Variants in CDS1 observed in about 807,000 individuals in gnomAD.
The protein encoded by CDS1 is CDP-diacylglycerol synthase 1, also known as phosphatidate cytidylyltransferase 1.
A neutral mutation model predicts 62.1 loss-of-function variants in CDS1; 41 were observed. That is an observed-to-expected ratio of 0.66 (90% CI 0.51 to 0.86). The LOEUF (loss-of-function observed/expected upper bound fraction) is 0.86. CDS1 is among the 40% of genes least tolerant of loss of function. The probability of loss-of-function intolerance (pLI) is 0.00; values close to 1 mark genes in which losing one functional copy is unlikely to be tolerated. For missense variants in CDS1, 470 were observed against 550.1 expected (o/e 0.85, Z 1.46); for synonymous variants, 185 against 192.6 (o/e 0.96, Z 0.32).
chr4:84,625,108 G>A (rs1560477375), intron 5 of CDS1, among the ~76,000 whole-genome samples: 4 of 152,114 alleles, frequency 2.6e-5, no homozygotes, highest in African/African-American at 7.2e-5. Context: ...TGATCCTCCT[G>A]CCTTGATCTC....
At chr4:84,647,648 T>C (rs1000703832) in intron 12 of CDS1, among the ~76,000 whole-genome samples, 2 of 152,216 alleles carry the variant, frequency 1.3e-5, no homozygotes, top group Non-Finnish European at 2.9e-5. Flanking sequence ...TGAAAGTTTT[T>C]TGGCAGATGA....
At chr4:84,604,493 G>A (rs1170179821) in intron 2 of CDS1, 123 bp downstream of exon 2, 9 of 806,792 alleles carry the variant, frequency 1.1e-5, no homozygotes, top group Middle Eastern at 6.9e-4. Flanking sequence ...GGTCAAAAAG[G>A]CCACCTAATA....
Position 84,640,915 on chromosome 4 carries a change from A to G in CDS1, c.957A>G (p.Thr319=), listed in dbSNP as rs750228683. The G allele has an allele frequency of 1.2e-5, 19 of 1,612,014 alleles. No homozygotes were observed. The highest frequency in any genetic ancestry group is 1.4e-5 in the Non-Finnish European group (17 of 1,179,280). Residue 319 remains threonine, a synonymous_variant, in exon 10 of 13, where the codon ACA becomes ACG. Transcript: ENST00000295887. ...EYRSDVNSFV[T]ECEPSELFQL... is the part of the protein sequence containing the mutation. ...GAAGTGATGTAAACTCCTTCGTGACAGAATGTGAGCCCTCAGAACTTTTCC... is the reference window on the plus strand; with the variant it reads ...GAAGTGATGTAAACTCCTTCGTGACGGAATGTGAGCCCTCAGAACTTTTCC...
At chr4:84,609,984 C>G (rs1292817282) in intron 3 of CDS1, among the ~76,000 whole-genome samples, 1 of 151,204 alleles carries the variant, frequency 6.6e-6, no homozygotes, top group African/African-American at 2.4e-5. Context: ...TGCTACTGCA[C>G]TGCAGCCTGG....
intron 1 of CDS1, among the ~76,000 whole-genome samples, chr4:84,601,641 G>T (rs554174856): frequency 7.3e-4 from 111 of 152,162 alleles, no homozygotes; most frequent in African/African-American, 2.6e-3. Flanking sequence ...ATTCAGGTAC[G>T]GTGGCTCACC....
rs534170569 is a variant in CDS1, at chr4:84,614,453, CT to C, written c.343-3103del. Among the ~76,000 whole-genome samples, 907 of 151,906 alleles carry C rather than the reference CT, an allele frequency of 6.0e-3. 6 individuals carry two copies. Among genetic ancestry groups the C allele is most frequent in the Non-Finnish European group, 6.9e-3 (469 of 67,952 alleles). The stretch of plus-strand genomic sequence containing the variant: ...TATTTGTAGACATTCAGGTTATGTT[CT>C]TTTTTTTATTGTGAATAACACTATC... On this transcript the variant is annotated intron_variant, in intron 3 of 12. Coordinates refer to ENST00000295887, the MANE Select transcript of CDS1 (RefSeq NM_001263.4).
At chr4:84,643,270 C>A in intron 11 of CDS1, 127 bp downstream of exon 11, 2 of 793,518 alleles carry the variant, frequency 2.5e-6, no homozygotes, top group Admixed American at 2.3e-5. Context: ...CTATTTGTTT[C>A]GACCCCACAG....
In CDS1 at chr4:84,583,324, C is replaced by T. The variant is rs994963157; in HGVS notation, c.-78C>T. The T allele has an allele frequency of 1.9e-6, 2 of 1,073,494 alleles. No homozygotes were observed. The highest frequency in any genetic ancestry group is 4.3e-5 in the Admixed American group (2 of 46,036). The allele number at this position is 1,073,494 out of a possible 1,614,324, so 66.5% of individuals were successfully genotyped here. Reference sequence around the variant, plus strand: ...GGCGCGGCTGCGAGGTGGCGGGGCGCCCCGCCTGCAGAACCCTGCTTGCAG... The same window carrying T: ...GGCGCGGCTGCGAGGTGGCGGGGCGTCCCGCCTGCAGAACCCTGCTTGCAG... On this transcript the variant is annotated 5_prime_UTR_variant, in exon 1 of 13. Coordinates refer to ENST00000295887, the MANE Select transcript of CDS1 (RefSeq NM_001263.4).
In CDS1 at chr4:84,644,377, AAG is replaced by A. The variant is rs536666451; in HGVS notation, c.1153-839_1153-838del. ...TATGCTTTGACTAGTAAGGAAGAGA[AAG>A]AGAGAAATGGGTTGGCAAAAATTAA... On this transcript the variant is annotated intron_variant, in intron 11 of 12. Coordinates refer to ENST00000295887, the MANE Select transcript of CDS1 (RefSeq NM_001263.4). Among the ~76,000 whole-genome samples, 4 of 152,306 alleles carry A rather than the reference AAG, an allele frequency of 2.6e-5. No individual in the cohort carries two copies. The South Asian group carries it at 6.2e-4, about 24-fold the overall frequency.
At chr4:84,634,587 GT>G (rs1578048844) in intron 7 of CDS1, among the ~76,000 whole-genome samples, 1 of 151,960 alleles carries the variant, frequency 6.6e-6, no homozygotes, top group East Asian at 1.9e-4. Flanking sequence ...CAGTTGATGG[GT>G]TTTGTCAAGA....
chr4:84,609,290 G>C (rs373097973), intron 2 of CDS1, 139 bp from the exon 3 acceptor site: 4 of 484,060 alleles, frequency 8.3e-6, no homozygotes, highest in Non-Finnish European at 1.1e-5. Context: ...TTTGTTTTTT[G>C]TTTTTGTTGT....
intron 3 of CDS1, among the ~76,000 whole-genome samples, chr4:84,610,338 G>T (rs1450146907): frequency 6.6e-6 from 1 of 152,106 alleles, no homozygotes; most frequent in Admixed American, 6.5e-5. Context: ...AGAGGATGCG[G>T]TCCATTGGAA....
At chr4:84,599,410 A>ATGTG (rs1722859789) in intron 1 of CDS1, among the ~76,000 whole-genome samples, 7 of 11,204 alleles carry the variant, frequency 6.2e-4, no homozygotes, top group African/African-American at 2.4e-3. Flanking sequence ...ACACACATAT[A>ATGTG]TATATATATA....
At chr4:84,631,262 G>C (rs973583314) in intron 5 of CDS1, among the ~76,000 whole-genome samples, 13 of 151,996 alleles carry the variant, frequency 8.6e-5, no homozygotes, top group Non-Finnish European at 1.8e-4. Flanking sequence ...AGCCCTTTGT[G>C]CATTTTTCCT....
At chr4:84,589,896 T>A (rs548420082) in intron 1 of CDS1, among the ~76,000 whole-genome samples, 1 of 152,298 alleles carries the variant, frequency 6.6e-6, no homozygotes, top group Admixed American at 6.5e-5. Flanking sequence ...CTGCAAGCTC[T>A]GCCTCCCGGG....
intron 2 of CDS1, 124 bp from the exon 3 acceptor site, chr4:84,609,305 T>C (rs543643714): frequency 1.7e-6 from 1 of 574,866 alleles, no homozygotes; most frequent in Admixed American, 3.3e-5. Context: ...TGTTGTTTGT[T>C]ATATAAAGTG....
intron 1 of CDS1, among the ~76,000 whole-genome samples, chr4:84,603,125 T>A (rs1722986855): frequency 6.6e-6 from 1 of 152,210 alleles, no homozygotes; most frequent in Non-Finnish European, 1.5e-5. Flanking sequence ...ATGCTTCATT[T>A]TAGGGATGAA....
At chr4:84,610,780 ATGT>A (rs1367505342) in intron 3 of CDS1, among the ~76,000 whole-genome samples, 4 of 152,182 alleles carry the variant, frequency 2.6e-5, no homozygotes, top group African/African-American at 7.2e-5. Flanking sequence ...GTAAAGTAAC[ATGT>A]TGTACAAATT....
intron 1 of CDS1, among the ~76,000 whole-genome samples, 168 bp downstream of exon 1, chr4:84,583,686 G>A (rs539528477): frequency 5.3e-5 from 8 of 152,106 alleles, no homozygotes; most frequent in Non-Finnish European, 7.4e-5. Flanking sequence ...GAGGGGGTCG[G>A]GACCCGGGAT....
Sources: allele counts gnomAD v4.1 joint callset (sites outside exome capture counted in the v4.1 genomes callset), GRCh38; gene constraint gnomAD v4.1.1; transcripts MANE v1.5; gene names NCBI Gene and HGNC (gene_info 2026-07-23, HGNC 2026-07-21).